Variants in PDE10A observed in about 807,000 individuals in gnomAD.
The protein encoded by PDE10A is phosphodiesterase 10A, also known as cAMP and cAMP-inhibited cGMP 3',5'-cyclic phosphodiesterase 10A.
Under a neutral mutation model 97.7 loss-of-function variants are expected in PDE10A, and 39 were observed. The observed-to-expected ratio is 0.40, with a 90% CI of 0.31 to 0.52. The LOEUF (loss-of-function observed/expected upper bound fraction) is 0.52, where lower values mean the gene tolerates loss of function less well. Among genes scored for constraint, PDE10A ranks in the 20% least tolerant of loss-of-function variants. The probability of loss-of-function intolerance (pLI) is 0.56; values close to 1 mark genes in which losing one functional copy is unlikely to be tolerated. For missense variants in PDE10A, 731 were observed against 1,047.8 expected (o/e 0.70, Z 4.17); for synonymous variants, 371 against 376.8 (o/e 0.98, Z 0.18).
At chr6:165,784,197 GCAA>G (rs536334584) in intron 1 of PDE10A, among the ~76,000 whole-genome samples, 37 of 150,116 alleles carry the variant, frequency 2.5e-4, no homozygotes, top group African/African-American at 8.8e-4. Context: ...ACCAGCCCAG[GCAA>G]CAACAATGCG....
intron 1 of PDE10A, among the ~76,000 whole-genome samples, chr6:165,892,098 T>C (rs1408618010): frequency 1.3e-5 from 2 of 152,138 alleles, no homozygotes; most frequent in Non-Finnish European, 1.5e-5. Context: ...AAAGTATTTA[T>C]ACATGTTCTG....
intron 1 of PDE10A, among the ~76,000 whole-genome samples, chr6:165,623,025 G>A (rs1267518969): frequency 6.6e-6 from 1 of 152,196 alleles, no homozygotes; most frequent in Non-Finnish European, 1.5e-5. Context: ...TGCCATGAGT[G>A]TAAACTTCCT....
chr6:165,649,579 C>A (rs549652286), intron 1 of PDE10A, among the ~76,000 whole-genome samples: 4 of 152,244 alleles, frequency 2.6e-5, no homozygotes, highest in African/African-American at 9.6e-5. Flanking sequence ...CCCCTAGCCC[C>A]GGTATACAGC....
intron 18 of PDE10A, among the ~76,000 whole-genome samples, chr6:165,371,757 G>T (rs113161744): frequency 0.01 from 1,536 of 151,666 alleles, 28 homozygotes; most frequent in African/African-American, 0.035. Context: ...TACCAAAGCC[G>T]GGCAGAGACA....
intron 8 of PDE10A, 78 bp from the exon 9 acceptor site, chr6:165,430,423 C>A: frequency 1.2e-6 from 1 of 857,284 alleles, no homozygotes; most frequent in Non-Finnish European, 1.9e-6. Context: ...TACTAATTAC[C>A]TTATTTATTG....
chr6:165,941,358 C>G (rs1219646361), intron 1 of PDE10A, among the ~76,000 whole-genome samples: 4 of 152,132 alleles, frequency 2.6e-5, no homozygotes, highest in African/African-American at 9.7e-5. Context: ...GCCTTGTTTT[C>G]AAGAGGTGGA....
At chr6:165,553,205 G>T (rs1034813870) in intron 1 of PDE10A, among the ~76,000 whole-genome samples, 1 of 151,992 alleles carries the variant, frequency 6.6e-6, no homozygotes, top group Non-Finnish European at 1.5e-5. Context: ...GAGATAGATA[G>T]GCTCTAAATT....
At chr6:165,478,399 T>C (rs985303411) in intron 3 of PDE10A, among the ~76,000 whole-genome samples, 1 of 152,036 alleles carries the variant, frequency 6.6e-6, no homozygotes, top group Non-Finnish European at 1.5e-5. Context: ...GTTCAGGCAA[T>C]GATGGGGGGG....
At chr6:165,442,707 A>T (rs1168972446) in intron 5 of PDE10A, among the ~76,000 whole-genome samples, 1 of 152,152 alleles carries the variant, frequency 6.6e-6, no homozygotes, top group Non-Finnish European at 1.5e-5. Flanking sequence ...AACAGAGTCA[A>T]ACCATATCAT....
intron 2 of PDE10A, among the ~76,000 whole-genome samples, chr6:165,527,873 G>A (rs1304424715): frequency 2.0e-5 from 3 of 152,202 alleles, no homozygotes; most frequent in Non-Finnish European, 4.4e-5. Context: ...GACAGAAGAA[G>A]AGAAGGCTAG....
chr6:165,508,702 T>C (rs1583432632), intron 2 of PDE10A, among the ~76,000 whole-genome samples: 1 of 151,964 alleles, frequency 6.6e-6, no homozygotes, highest in African/African-American at 2.4e-5. Flanking sequence ...CTTGCTATAG[T>C]AACTGGGTTT....
At chr6:165,346,891 T>G (rs1434395924) in intron 18 of PDE10A, among the ~76,000 whole-genome samples, 2 of 150,670 alleles carry the variant, frequency 1.3e-5, no homozygotes, top group African/African-American at 5.0e-5. Flanking sequence ...TGTTATGAGG[T>G]AGTCTTAATT....
chr6:165,530,265 ATATATGTGTGTG>A (rs1435464159), intron 2 of PDE10A, among the ~76,000 whole-genome samples: 7 of 60,628 alleles, frequency 1.2e-4, no homozygotes, highest in African/African-American at 2.5e-4. Context: ...AATCCTCTTT[ATATATGTGTGTG>A]TGTGTGTGTG....
At chr6:165,891,112 C>T (rs1398834654) in intron 1 of PDE10A, among the ~76,000 whole-genome samples, 1 of 152,164 alleles carries the variant, frequency 6.6e-6, no homozygotes, top group Admixed American at 6.5e-5. Flanking sequence ...CACGTTGTCA[C>T]CCATTGCGTT....
At chr6:165,911,444 A>G (rs139059685) in intron 1 of PDE10A, among the ~76,000 whole-genome samples, 32 of 152,314 alleles carry the variant, frequency 2.1e-4, no homozygotes, top group African/African-American at 7.7e-4. Context: ...CAAACTATGT[A>G]CTTATGTCAT....
chr6:165,746,557 G>A (rs1202051805), intron 1 of PDE10A, among the ~76,000 whole-genome samples: 1 of 152,206 alleles, frequency 6.6e-6, no homozygotes, highest in Non-Finnish European at 1.5e-5. Flanking sequence ...GGTGTGTCCC[G>A]AGTGCCAGAC....
rs560882059 is a variant in PDE10A at position 165,634,252 on chromosome 6, C to T, written c.865+27695G>A. Among the ~76,000 whole-genome samples the T allele has an allele frequency of 3.6e-4, 55 of 151,576 alleles. 1 individual carries two copies. Among genetic ancestry groups the T allele is most frequent in the African/African-American group, 1.2e-3 (50 of 41,344 alleles). The stretch of plus-strand genomic sequence containing the variant: ...GTCTGCAGCGGTGCCCACTGAAGAT[C>T]GTGTGTGTGTGTGTGGAGCGTCATG... On this transcript the variant is annotated intron_variant, in intron 1 of 21. Coordinates refer to ENST00000539869, the MANE Select transcript of PDE10A (RefSeq NM_001385079.1).
At chr6:165,975,249 C>T (rs1187914458) in intron 1 of PDE10A, among the ~76,000 whole-genome samples, 1 of 152,188 alleles carries the variant, frequency 6.6e-6, no homozygotes, top group Non-Finnish European at 1.5e-5. Context: ...TTCTAAAAGT[C>T]CCCCTTAGCC....
At chr6:165,694,049 A>G (rs1791379196) in intron 1 of PDE10A, among the ~76,000 whole-genome samples, 1 of 152,194 alleles carries the variant, frequency 6.6e-6, no homozygotes, top group Admixed American at 6.5e-5. Flanking sequence ...ATCTCACAAA[A>G]CCACTCAACA....
Sources: gnomAD v4.1 joint callset for allele counts (sites outside exome capture counted in the v4.1 genomes callset) on GRCh38, gnomAD v4.1.1 for gene constraint, MANE v1.5 for transcripts, NCBI Gene and HGNC (gene_info 2026-07-23, HGNC 2026-07-21) for gene names.